SLF2: variants seen among roughly 807,000 people sequenced by gnomAD.
The protein encoded by SLF2 is SMC5-SMC6 complex localization factor protein 2.
Under a neutral mutation model 124.3 loss-of-function variants are expected in SLF2, and 68 were observed. The observed-to-expected ratio is 0.55, with a 90% CI of 0.45 to 0.67. SLF2 has a LOEUF of 0.67. SLF2 is among the 30% of genes least tolerant of loss of function. SLF2 has a pLI of 0.00. For missense variants in SLF2, 1,246 were observed against 1,373.7 expected, an observed-to-expected ratio of 0.91 and a Z score of 1.47; for synonymous variants, 480 against 478.8, an observed-to-expected ratio of 1.00 and a Z score of -0.03.
At chr10:100,929,289 C>G in intron 6 of SLF2, 28 bp from the exon 7 acceptor site, 1 of 1,576,608 alleles carries the variant, frequency 6.3e-7, no homozygotes, top group Admixed American at 1.9e-5. Flanking sequence ...TTAGAGTAAA[C>G]TGTTATAACA....
intron 14 of SLF2, 109 bp from the exon 15 acceptor site, chr10:100,947,651 C>T (rs775321296): frequency 2.9e-6 from 2 of 683,194 alleles, no homozygotes; most frequent in South Asian, 2.1e-5. Context: ...TCTCTTGAAA[C>T]ATTGCCTATA....
intron 4 of SLF2, among the ~76,000 whole-genome samples, chr10:100,923,205 G>C (rs887769138): frequency 3.3e-5 from 5 of 152,106 alleles, no homozygotes; most frequent in South Asian, 2.1e-4. Flanking sequence ...CCAAAACCAG[G>C]GTGGCTTAAA....
In SLF2 at chr10:100,962,314, T is replaced by C. The variant is rs1850439041; in HGVS notation, c.*402T>C. ...AAAGAGCTTGGACTAACTTGAGAAG[T>C]TGGACATGGAAAGCAAGACCAAGTT... On this transcript the variant is annotated 3_prime_UTR_variant, in exon 20 of 20. Transcript: ENST00000238961. 6.5e-6 allele frequency: 1 copy of C among 154,126 alleles called. No individual in the cohort carries two copies. Among genetic ancestry groups the C allele is most frequent in the East Asian group, 1.9e-4 (1 of 5,276 alleles). 9.5% of individuals were successfully genotyped at this position (154,126 alleles called of 1,614,324 possible).
chr10:100,957,106 T>C (rs1036993849), intron 18 of SLF2, among the ~76,000 whole-genome samples: 2 of 152,180 alleles, frequency 1.3e-5, no homozygotes, highest in Non-Finnish European at 2.9e-5. Flanking sequence ...AAAATACTTC[T>C]AGTACTAATG....
Position 100,916,827 on chromosome 10 carries a change from A to C in SLF2, c.442A>C (p.Asn148His). ...CTCCAAATATTTAGCCAAAGGAACAAATATCTATGTTCCTTCTTCATATCA... is the reference window on the plus strand; with the variant it reads ...CTCCAAATATTTAGCCAAAGGAACACATATCTATGTTCCTTCTTCATATCA... ...LASKYLAKGT[N>H]IYVPSSYHLP... is the part of the protein sequence containing the mutation. Residue 148 changes from asparagine to histidine, a missense_variant, in exon 3 of 20, where the codon AAT becomes CAT. Asn to His is a moderately conservative substitution (Grantham distance 68). Around this residue, in one of 3 missense-constraint regions of SLF2, gnomAD observed 698 missense variants for 708.9 expected, o/e 0.98. Transcript: ENST00000238961. 6.2e-7 allele frequency: 1 copy of C among 1,614,178 alleles called. No homozygotes were observed. Among genetic ancestry groups the C allele is most frequent in the Non-Finnish European group, 8.5e-7 (1 of 1,180,036 alleles).
intron 1 of SLF2, 138 bp from the exon 2 acceptor site, chr10:100,915,861 A>T: frequency 1.5e-6 from 1 of 663,018 alleles, no homozygotes; most frequent in Non-Finnish European, 2.6e-6. Context: ...TTAGCAAAGC[A>T]TTGTTACCAT....
intron 18 of SLF2, among the ~76,000 whole-genome samples, chr10:100,958,393 C>T (rs1343677644): frequency 2.6e-5 from 4 of 152,222 alleles, no homozygotes; most frequent in Admixed American, 2.6e-4. Context: ...AAGAGTAGAA[C>T]TCTAGTTTCA....
At position 100,931,093 on chromosome 10, in the gene SLF2, T is replaced by A; in HGVS notation, c.2436+15T>A. The A allele has an allele frequency of 6.4e-7, 1 of 1,567,274 alleles. No individual in the cohort carries two copies. Among genetic ancestry groups the A allele is most frequent in the African/African-American group, 1.4e-5 (1 of 73,430 alleles). On this transcript the variant is annotated intron_variant, in intron 9 of 19. Coordinates refer to ENST00000238961, the MANE Select transcript of SLF2 (RefSeq NM_018121.4). Reference sequence around the variant, plus strand: ...GGCTGTTTCGGGTAAGAGGAATGTTTAGAGGGTTATAGTTGCCTCCTACTA... The same window carrying A: ...GGCTGTTTCGGGTAAGAGGAATGTTAAGAGGGTTATAGTTGCCTCCTACTA...
At chr10:100,957,330 AT>A (rs71013477) in intron 18 of SLF2, among the ~76,000 whole-genome samples, 38 of 91,826 alleles carry the variant, frequency 4.1e-4, no homozygotes, top group Admixed American at 1.2e-3. Flanking sequence ...GGAGTCTTCA[AT>A]TTTTTTTTTT....
rs763021611 is a variant in SLF2, at chr10:100,924,392, C to T, written c.1391C>T (p.Ser464Phe). The T allele has an allele frequency of 5.6e-6, 9 of 1,614,076 alleles. No homozygotes were observed. Among genetic ancestry groups the T allele is most frequent in the Non-Finnish European group, 7.6e-6 (9 of 1,180,012 alleles). ...CTTCAGAAAAATAAAACCGCTAGCT[C>T]CACGACAAAGGAGAAGGAGACAAAA... Reference protein sequence around the residue: ...SNLQKNKTASSTTKEKETKLP... With the variant: ...SNLQKNKTASFTTKEKETKLP... Residue 464 changes from serine to phenylalanine, a missense_variant, in exon 5 of 20, where the codon TCC (serine) becomes TTC (phenylalanine). Physicochemically the swap from Ser to Phe is radical, Grantham distance 155. Transcript: ENST00000238961.
At chr10:100,943,927 C>G in intron 11 of SLF2, 99 bp from the exon 12 acceptor site, 1 of 682,672 alleles carries the variant, frequency 1.5e-6, no homozygotes, top group Non-Finnish European at 2.4e-6. Flanking sequence ...TAAATTATAC[C>G]TCGATAAAAC....
At chr10:100,959,935 C>A (rs189883081) in intron 19 of SLF2, among the ~76,000 whole-genome samples, 2 of 152,206 alleles carry the variant, frequency 1.3e-5, no homozygotes, top group African/African-American at 4.8e-5. Context: ...ATTCCCCTTT[C>A]CTCTACTACC....
At chr10:100,913,310 G>T in intron 1 of SLF2, 60 bp downstream of exon 1, 1 of 1,393,946 alleles carries the variant, frequency 7.2e-7, no homozygotes, top group African/African-American at 1.5e-5. Flanking sequence ...TGAGGGGAGG[G>T]CTGCAGACCG....
chr10:100,921,120 T>C (rs959323498), intron 4 of SLF2, among the ~76,000 whole-genome samples: 1 of 152,262 alleles, frequency 6.6e-6, no homozygotes, highest in African/African-American at 2.4e-5. Context: ...TTTGGTCTTC[T>C]AGAGCCCTGT....
chr10:100,917,392 T>G (rs1456498543), intron 3 of SLF2, 92 bp downstream of exon 3: 1 of 1,363,092 alleles, frequency 7.3e-7, no homozygotes, highest in Non-Finnish European at 9.8e-7. Flanking sequence ...TTACATCACA[T>G]TGACGTCTTT....
chr10:100,943,107 C>T (rs1850012807), intron 11 of SLF2, among the ~76,000 whole-genome samples: 1 of 152,180 alleles, frequency 6.6e-6, no homozygotes, highest in Non-Finnish European at 1.5e-5. Context: ...ACTCTGGCAA[C>T]CAGCCCCCAT....
At position 100,963,503 on chromosome 10, in the gene SLF2, A is replaced by G. The variant is rs1298876052; in HGVS notation, c.*1591A>G. ...CTCAAGGGTATTGTTACAAAATGCCACTTATGGTTAAAGAGATAGATACAA... is the reference window on the plus strand; with the variant it reads ...CTCAAGGGTATTGTTACAAAATGCCGCTTATGGTTAAAGAGATAGATACAA... On this transcript the variant is annotated 3_prime_UTR_variant, in exon 20 of 20. Transcript: ENST00000238961. 6.6e-6 allele frequency: 1 copy of G among 152,622 alleles called. No individual in the cohort carries two copies. The highest frequency in any genetic ancestry group is 2.4e-5 in the African/African-American group (1 of 41,438). 9.5% of individuals were successfully genotyped at this position (152,622 alleles called of 1,614,324 possible). A position where few individuals can be genotyped will look rare whatever the true frequency, so the allele number is the denominator to read the frequency against.
At chr10:100,932,710 TGTGTGTGTGTGCGCGC>T (rs1405289815) in intron 9 of SLF2, among the ~76,000 whole-genome samples, 15 of 88,478 alleles carry the variant, frequency 1.7e-4, no homozygotes, top group Admixed American at 5.4e-4. Context: ...TGTGTGTGTG[TGTGTGTGTGTGCGCGC>T]GCGCGCGCGC....
Position 100,964,191 on chromosome 10 carries a change from G to C in SLF2, c.*2279G>C, listed in dbSNP as rs529654247. The C allele has an allele frequency of 3.9e-5, 6 of 152,786 alleles. No individual in the cohort carries two copies. In the South Asian group the frequency reaches 1.2e-3, roughly 32 times the overall value. The allele number at this position is 152,786 out of a possible 1,614,324, so 9.5% of individuals were successfully genotyped here. On this transcript the variant is annotated 3_prime_UTR_variant, in exon 20 of 20. Coordinates refer to ENST00000238961, the MANE Select transcript of SLF2 (RefSeq NM_018121.4). ...CGGTGAATGGGATGGTAGAGAGGGA[G>C]AAATGTTCATTGCACAGAGAATGTC...
Sources: gnomAD v4.1 joint callset for allele counts (sites outside exome capture counted in the v4.1 genomes callset) on GRCh38, gnomAD v4.1.1 for gene constraint, gnomAD v4.1.1 regional missense constraint, MANE v1.5 for transcripts, NCBI Gene and HGNC (gene_info 2026-07-23, HGNC 2026-07-21) for gene names.